UBAC2: variants seen among roughly 807,000 people sequenced by gnomAD.
UBAC2 encodes the protein ubiquitin-associated domain-containing protein 2.
In UBAC2, 26 loss-of-function variants were observed where a neutral mutation model predicts 44.0. That is an observed-to-expected ratio of 0.59 (90% confidence interval 0.43 to 0.82). UBAC2 has a LOEUF of 0.82. Among genes scored for constraint, UBAC2 ranks in the 40% least tolerant of loss-of-function variants. UBAC2 has a pLI of 0.00. For missense variants in UBAC2, 329 were observed against 419.4 expected, an observed-to-expected ratio of 0.78 and a Z score of 1.88; for synonymous variants, 155 against 154.3, an observed-to-expected ratio of 1.00 and a Z score of -0.04.
chr13:99,266,096 C>T (rs1212773493), intron 4 of UBAC2, among the ~76,000 whole-genome samples: 1 of 151,994 alleles, frequency 6.6e-6, no homozygotes, highest in African/African-American at 2.4e-5. Flanking sequence ...AGCTCTTCAC[C>T]TTTACCCCTT....
intron 4 of UBAC2, among the ~76,000 whole-genome samples, chr13:99,252,701 G>C (rs2043473243): frequency 2.0e-5 from 3 of 151,974 alleles, no homozygotes; most frequent in Admixed American, 6.6e-5. Flanking sequence ...GTGAAATTTT[G>C]AATTTTTACA....
chr13:99,384,148 T>C (rs999524471), intron 8 of UBAC2, among the ~76,000 whole-genome samples: 1 of 152,140 alleles, frequency 6.6e-6, no homozygotes, highest in Admixed American at 6.5e-5. Context: ...CCCTTCTCTT[T>C]CCACCATGTA....
rs869112086 is a variant in UBAC2 at position 99,338,047 on chromosome 13, C to CTTTTTTTTTT, written c.562-2254_562-2245dup. ...ATCTCCTAACTTTTTTTCTTTTTTTCTTTTTTTTTTTTTTTTTTTTTTTTT... is the reference window on the plus strand; with the variant it reads ...ATCTCCTAACTTTTTTTCTTTTTTTCTTTTTTTTTTTTTTTTTTTTTTTTTTTTTTTTTTT... On this transcript the variant is annotated intron_variant, in intron 6 of 8. Coordinates refer to ENST00000403766, the MANE Select transcript of UBAC2 (RefSeq NM_001144072.2). Among the ~76,000 whole-genome samples the CTTTTTTTTTT allele has an allele frequency of 9.5e-3, 464 of 48,882 alleles. 47 individuals carry two copies. Among genetic ancestry groups the CTTTTTTTTTT allele is most frequent in the Middle Eastern group, 0.02 (1 of 50 alleles). The allele number at this position is 48,882 out of a possible 152,430, so 32.1% of individuals were successfully genotyped here.
intron 4 of UBAC2, among the ~76,000 whole-genome samples, chr13:99,258,782 C>G (rs1197518403): frequency 1.8e-4 from 28 of 152,114 alleles, no homozygotes. Flanking sequence ...AGAAAGATCC[C>G]AAGTGCTTAA....
chr13:99,251,233 C>A (rs1009701447), intron 4 of UBAC2, among the ~76,000 whole-genome samples: 3 of 152,118 alleles, frequency 2.0e-5, no homozygotes, highest in Non-Finnish European at 4.4e-5. Flanking sequence ...TTTGGCATCC[C>A]GAAACTCTAG....
intron 1 of UBAC2, chr13:99,201,480 T>A: frequency 6.2e-7 from 1 of 1,614,160 alleles, no homozygotes; most frequent in Non-Finnish European, 8.5e-7. Flanking sequence ...TGCTTTCAAG[T>A]GGAGGGAAGT....
At chr13:99,283,308 A>G (rs1396848544) in intron 4 of UBAC2, among the ~76,000 whole-genome samples, 1 of 152,224 alleles carries the variant, frequency 6.6e-6, no homozygotes, top group East Asian at 1.9e-4. Flanking sequence ...GTATAAATAA[A>G]TGACAATACC....
Position 99,234,333 on chromosome 13 carries a change from G to A in UBAC2, c.32-4094G>A, listed in dbSNP as rs767203040. The A allele has an allele frequency of 4.0e-4, 135 of 333,670 alleles. No homozygotes were observed. The Middle Eastern group carries it at 5.1e-3, about 13-fold the overall frequency. 20.7% of individuals were successfully genotyped at this position (333,670 alleles called of 1,614,324 possible). A position where few individuals can be genotyped will look rare whatever the true frequency, so the allele number is the denominator to read the frequency against. ...CAGCTTCCCAAGTGGGATTATAGGC[G>A]CTTGCCACCACGCCCGGGTAATTTT... On this transcript the variant is annotated intron_variant, in intron 1 of 8. Transcript: ENST00000403766.
At chr13:99,322,672 G>A (rs752254335) in intron 6 of UBAC2, among the ~76,000 whole-genome samples, 8 of 152,088 alleles carry the variant, frequency 5.3e-5, no homozygotes, top group Non-Finnish European at 5.9e-5. Context: ...CAGCCTTAGT[G>A]TGGAAAAAAA....
At chr13:99,333,911 T>C (rs990325030) in intron 6 of UBAC2, among the ~76,000 whole-genome samples, 1 of 152,168 alleles carries the variant, frequency 6.6e-6, no homozygotes, top group African/African-American at 2.4e-5. Flanking sequence ...GCAAAAACTA[T>C]GCATTTTCAT....
intron 8 of UBAC2, among the ~76,000 whole-genome samples, chr13:99,381,230 G>A (rs904459394): frequency 6.6e-6 from 1 of 152,256 alleles, no homozygotes; most frequent in Non-Finnish European, 1.5e-5. Context: ...TTGGTGACCT[G>A]TGTGTAGCCA....
chr13:99,260,667 A>T (rs540166534), intron 4 of UBAC2, among the ~76,000 whole-genome samples: 1 of 152,306 alleles, frequency 6.6e-6, no homozygotes, highest in African/African-American at 2.4e-5. Flanking sequence ...CAAGGATTCA[A>T]CTTGTATAAT....
rs143917027 is a variant in UBAC2 at position 99,314,175 on chromosome 13, G to A, written c.468G>A (p.Pro156=). 3.0e-5 allele frequency: 49 copies of A among 1,612,266 alleles called. No homozygotes were observed. The highest frequency in any genetic ancestry group is 8.9e-5 in the East Asian group (4 of 44,826). ...PRVQVAQILG[P]LSITNKTLIY... is the part of the protein sequence containing the mutation. ...TCCAAGTGGCACAAATTCTGGGTCCGTTGTCCATCACAAACAAGACATTGA... is the reference window on the plus strand; with the variant it reads ...TCCAAGTGGCACAAATTCTGGGTCCATTGTCCATCACAAACAAGACATTGA... The change falls in exon 5 of 9, where the codon CCG becomes CCA. Residue 156 remains proline, a synonymous_variant. Coordinates refer to ENST00000403766, the MANE Select transcript of UBAC2 (RefSeq NM_001144072.2).
rs1379749952 is a variant in UBAC2 at position 99,258,129 on chromosome 13, ATGAAGTTAAT to A, written c.389+13507_389+13516del. 3 of 152,366 alleles carry A rather than the reference ATGAAGTTAAT, an allele frequency of 2.0e-5. No homozygotes were observed. In the East Asian group the frequency reaches 5.8e-4, roughly 29 times the overall value. The allele number at this position is 152,366 out of a possible 1,614,324, so 9.4% of individuals were successfully genotyped here. A position where few individuals can be genotyped will look rare whatever the true frequency, so the allele number is the denominator to read the frequency against. On this transcript the variant is annotated intron_variant, in intron 4 of 8. Coordinates refer to ENST00000403766, the MANE Select transcript of UBAC2 (RefSeq NM_001144072.2). ...TAAAGCATTACTTTTGACAATAATC[ATGAAGTTAAT>A]TAAATGCTGCTTACCTCCTGTCCAT...
At chr13:99,255,974 C>T in intron 4 of UBAC2, 5 of 1,157,524 alleles carry the variant, frequency 4.3e-6, no homozygotes, top group Non-Finnish European at 4.8e-6. Flanking sequence ...AACATTCTCC[C>T]ACTCAGCTTG....
chr13:99,349,480 A>G (rs1483410292), intron 7 of UBAC2, among the ~76,000 whole-genome samples: 3 of 152,316 alleles, frequency 2.0e-5, no homozygotes, highest in Non-Finnish European at 4.4e-5. Context: ...TGCGGAGACC[A>G]GTAGTGGCCC....
At chr13:99,333,503 A>G (rs190103991) in intron 6 of UBAC2, among the ~76,000 whole-genome samples, 1 of 152,360 alleles carries the variant, frequency 6.6e-6, no homozygotes, top group Admixed American at 6.5e-5. Flanking sequence ...TCACCCAGGA[A>G]ATACTTACAG....
At position 99,295,139 on chromosome 13, in the gene UBAC2, T is replaced by C; in HGVS notation, c.390-18958T>C. ...ACGTGAATTTTCTTCAGGGGCTGAC[T>C]TCACAGCACTAGAAATCGATACACT... On this transcript the variant is annotated intron_variant, in intron 4 of 8. Transcript: ENST00000403766. The surrounding 1 kb of genome is among the most constrained non-coding windows in gnomAD (Gnocchi z 4.1). 1 of 1,614,160 alleles carries C rather than the reference T, an allele frequency of 6.2e-7. No individual in the cohort carries two copies. Among genetic ancestry groups the C allele is most frequent in the Non-Finnish European group, 8.5e-7 (1 of 1,180,006 alleles).
At chr13:99,318,648 A>G (rs2044526353) in intron 6 of UBAC2, among the ~76,000 whole-genome samples, 1 of 150,982 alleles carries the variant, frequency 6.6e-6, no homozygotes, top group Non-Finnish European at 1.5e-5. Flanking sequence ...ATGAAACCCC[A>G]TCTCTGCTAA....
Sources: allele counts gnomAD v4.1 joint callset (sites outside exome capture counted in the v4.1 genomes callset), GRCh38; gene constraint gnomAD v4.1.1; non-coding constraint Gnocchi (gnomAD v3.1); transcripts MANE v1.5; gene names NCBI Gene and HGNC (gene_info 2026-07-23, HGNC 2026-07-21).